Variants in SH3GL2 observed in about 807,000 individuals in gnomAD.
SH3GL2 encodes the protein endophilin-A1.
Under a neutral mutation model 46.0 loss-of-function variants are expected in SH3GL2, and 24 were observed. The observed-to-expected ratio is 0.52, with a 90% CI of 0.38 to 0.73. SH3GL2 has a LOEUF of 0.73. Ranked by LOEUF, SH3GL2 falls within the 30% of genes least tolerant of loss-of-function variation. The probability of loss-of-function intolerance (pLI) is 0.00; values close to 1 mark genes in which losing one functional copy is unlikely to be tolerated. For synonymous variants in SH3GL2, 196 were observed against 147.1 expected (o/e 1.33, Z -2.40); for missense variants, 413 against 424.2 (o/e 0.97, Z 0.23).
At chr9:17,761,351 C>T in intron 2 of SH3GL2, 86 bp from the exon 3 acceptor site, 6 of 840,102 alleles carry the variant, frequency 7.1e-6, no homozygotes, top group East Asian at 2.4e-5. Flanking sequence ...GTTGCATACC[C>T]CGCCATTGTA....
chr9:17,614,193 C>T (rs2224445), intron 1 of SH3GL2, among the ~76,000 whole-genome samples: 1 of 144,938 alleles, frequency 6.9e-6, no homozygotes, highest in Non-Finnish European at 1.5e-5. Flanking sequence ...GCTGATCATT[C>T]TCAGTAAATC....
intron 1 of SH3GL2, among the ~76,000 whole-genome samples, chr9:17,609,742 G>C (rs957723278): frequency 6.6e-6 from 1 of 152,230 alleles, no homozygotes; most frequent in African/African-American, 2.4e-5. Flanking sequence ...GAAAGTTGCA[G>C]ATCATACTGC....
At chr9:17,708,634 A>G (rs529675863) in intron 1 of SH3GL2, among the ~76,000 whole-genome samples, 157 of 152,096 alleles carry the variant, frequency 1.0e-3, no homozygotes, top group African/African-American at 3.6e-3. Flanking sequence ...TAGTGGCTTT[A>G]AGTAAAGACC....
chr9:17,777,024 G>T (rs1823659661), intron 3 of SH3GL2, among the ~76,000 whole-genome samples: 1 of 152,172 alleles, frequency 6.6e-6, no homozygotes, highest in South Asian at 2.1e-4. Flanking sequence ...GTAAATACCT[G>T]TAGACAGAGG....
At position 17,681,305 on chromosome 9, in the gene SH3GL2, AC is replaced by A. The variant is rs151263287; in HGVS notation, c.46-65760del. Among the ~76,000 whole-genome samples the A allele has an allele frequency of 2.8e-3, 423 of 152,324 alleles. 2 individuals are homozygous for A. Among genetic ancestry groups the A allele is most frequent in the African/African-American group, 7.8e-3 (325 of 41,582 alleles). ...GTGGAAGACTACTACAGTGAGTAGT[AC>A]TTTACAGTGTTACCAATTAATGCTT... On this transcript the variant is annotated intron_variant, in intron 1 of 8. Coordinates refer to ENST00000380607, the MANE Select transcript of SH3GL2 (RefSeq NM_003026.5).
chr9:17,713,363 T>C (rs992279506), intron 1 of SH3GL2, among the ~76,000 whole-genome samples: 1 of 151,614 alleles, frequency 6.6e-6, no homozygotes, highest in South Asian at 2.1e-4. Context: ...TTTGGCATCA[T>C]TGACTTTTCT....
chr9:17,693,513 T>A (rs1821131327), intron 1 of SH3GL2, among the ~76,000 whole-genome samples: 1 of 152,202 alleles, frequency 6.6e-6, no homozygotes, highest in Non-Finnish European at 1.5e-5. Context: ...TGTTTTTGTT[T>A]TATTTTGTTT....
chr9:17,776,666 A>ATAT (rs1823648157), intron 3 of SH3GL2, among the ~76,000 whole-genome samples: 1 of 52,764 alleles, frequency 1.9e-5, no homozygotes, highest in African/African-American at 6.8e-5. Context: ...AAAATGTCCC[A>ATAT]TCTTTTTTTT....
Position 17,771,502 on chromosome 9 carries a change from A to G in SH3GL2, c.187+9993A>G, listed in dbSNP as rs958877466. On this transcript the variant is annotated intron_variant, in intron 3 of 8. Transcript: ENST00000380607. The stretch of plus-strand genomic sequence containing the variant: ...GCAGGACCCTTCTTACAATAAGGAT[A>G]TATTATTTACCACCACCCTCTATTT... 3.3e-5 allele frequency among the ~76,000 whole-genome samples: 5 copies of G among 152,160 alleles called. No homozygotes were observed. The South Asian group carries it at 8.3e-4, about 25-fold the overall frequency.
chr9:17,701,357 G>A (rs1045441695), intron 1 of SH3GL2, among the ~76,000 whole-genome samples: 3 of 152,080 alleles, frequency 2.0e-5, no homozygotes, highest in East Asian at 3.9e-4. Context: ...GAGGGAAACC[G>A]AAGACCTGAG....
At chr9:17,619,939 G>T (rs2134599144) in intron 1 of SH3GL2, among the ~76,000 whole-genome samples, 1 of 152,210 alleles carries the variant, frequency 6.6e-6, no homozygotes, top group African/African-American at 2.4e-5. Flanking sequence ...AGTGTTAAAT[G>T]CTTTTCCCTT....
At position 17,747,072 on chromosome 9, in the gene SH3GL2, A is replaced by C; in HGVS notation, c.52A>C (p.Ser18Arg). ...TTGTGGTTATTTTCTACAGAAAGTG[A>C]GTGAGAAGGTTGGAGGAGCTGAAGG... ...KQFHKATQKV[S>R]EKVGGAEGTK... is the part of the protein sequence containing the mutation. The change falls in exon 2 of 9, where the codon AGT becomes CGT. Residue 18 changes from serine (S) to arginine (R), a missense_variant. Ser to Arg is a moderately radical substitution (Grantham distance 110). Coordinates refer to ENST00000380607, the MANE Select transcript of SH3GL2 (RefSeq NM_003026.5). 1 of 1,601,532 alleles carries C rather than the reference A, an allele frequency of 6.2e-7. No individual in the cohort carries two copies. The highest frequency in any genetic ancestry group is 8.6e-7 in the Non-Finnish European group (1 of 1,169,024).
At chr9:17,723,333 G>C (rs887168384) in intron 1 of SH3GL2, among the ~76,000 whole-genome samples, 2 of 152,036 alleles carry the variant, frequency 1.3e-5, no homozygotes, top group South Asian at 4.1e-4. Context: ...TTCTCTGGTT[G>C]TTTTATGTAA....
intron 1 of SH3GL2, among the ~76,000 whole-genome samples, chr9:17,633,165 A>G (rs1819471534): frequency 6.6e-6 from 1 of 152,236 alleles, no homozygotes; most frequent in Non-Finnish European, 1.5e-5. Flanking sequence ...TGCCCTCAGG[A>G]GGGGAACTGG....
intron 1 of SH3GL2, among the ~76,000 whole-genome samples, chr9:17,714,026 G>A (rs1563823672): frequency 6.6e-6 from 1 of 151,558 alleles, no homozygotes; most frequent in Non-Finnish European, 1.5e-5. Flanking sequence ...TTGTATTTCT[G>A]TGTTTTTGCT....
chr9:17,644,621 A>T (rs893160585), intron 1 of SH3GL2, among the ~76,000 whole-genome samples: 1 of 152,174 alleles, frequency 6.6e-6, no homozygotes, highest in African/African-American at 2.4e-5. Flanking sequence ...GTTTTCATGT[A>T]GTCGTGCGGT....
At chr9:17,700,982 A>T (rs1821331355) in intron 1 of SH3GL2, among the ~76,000 whole-genome samples, 1 of 152,234 alleles carries the variant, frequency 6.6e-6, no homozygotes, top group African/African-American at 2.4e-5. Context: ...TCATCATGCT[A>T]ATATGGAATG....
At chr9:17,673,894 T>G (rs1362538378) in intron 1 of SH3GL2, among the ~76,000 whole-genome samples, 1 of 152,180 alleles carries the variant, frequency 6.6e-6, no homozygotes, top group African/African-American at 2.4e-5. Context: ...GTCAATTGAC[T>G]CTACCCTAAG....
chr9:17,636,511 C>A (rs567735830), intron 1 of SH3GL2, among the ~76,000 whole-genome samples: 4 of 152,178 alleles, frequency 2.6e-5, no homozygotes, highest in Non-Finnish European at 5.9e-5. Flanking sequence ...TACAAAATGA[C>A]CTTTTTCACT....
Sources: allele counts gnomAD v4.1 joint callset (sites outside exome capture counted in the v4.1 genomes callset), GRCh38; gene constraint gnomAD v4.1.1; transcripts MANE v1.5; gene names NCBI Gene and HGNC (gene_info 2026-07-23, HGNC 2026-07-21).